The following NHP2 variants were observed in gnomAD, a reference collection of about 807,000 sequenced individuals.
NHP2 encodes NHP2 ribonucleoprotein, also known as H/ACA ribonucleoprotein complex subunit 2.
A neutral mutation model predicts 16.7 loss-of-function variants in NHP2; 10 were observed. The observed-to-expected ratio is 0.60, with a 90% CI of 0.37 to 1.01. The LOEUF is 1.01. NHP2 is among the 50% of genes least tolerant of loss of function. NHP2 has a pLI of 0.01. For synonymous variants in NHP2, 87 were observed against 78.9 expected, an observed-to-expected ratio of 1.10 and a Z score of -0.54; for missense variants, 184 against 198.3, an observed-to-expected ratio of 0.93 and a Z score of 0.43.
intron 3 of NHP2, 126 bp downstream of exon 3, chr5:178,150,762 G>A: frequency 1.3e-6 from 1 of 782,822 alleles, no homozygotes; most frequent in Non-Finnish European, 2.4e-6. Flanking sequence ...AAGATGTGGA[G>A]CTGAGAATCC....
At chr5:178,149,887 A>T in intron 3 of NHP2, 49 bp from the exon 4 acceptor site, 1 of 1,605,086 alleles carries the variant, frequency 6.2e-7, no homozygotes. Flanking sequence ...TACAACCTGT[A>T]TGCCAGGAAG....
intron 2 of NHP2, among the ~76,000 whole-genome samples, chr5:178,151,891 GT>G (rs1174846630): frequency 6.6e-6 from 1 of 152,048 alleles, no homozygotes; most frequent in Non-Finnish European, 1.5e-5. Context: ...GAAGTCATGT[GT>G]CTCTACAGCA....
In NHP2 at chr5:178,153,864, T is replaced by G; in HGVS notation, c.-47A>C. 6.4e-7 allele frequency: 1 copy of G among 1,571,912 alleles called. No individual in the cohort carries two copies. The highest frequency in any genetic ancestry group is 1.2e-5 in the South Asian group (1 of 86,648). ...GTCCCAGGGAGGCGAGCCCACGCGG[T>G]CCACAGCTTTAGGCATCACTTCCAG... On this transcript the variant is annotated 5_prime_UTR_variant, in exon 1 of 4. Coordinates refer to ENST00000274606, the MANE Select transcript of NHP2 (RefSeq NM_017838.4).
intron 3 of NHP2, chr5:178,150,395 T>C (rs1236150458): frequency 3.8e-6 from 1 of 263,718 alleles, no homozygotes; most frequent in Non-Finnish European, 7.5e-6. Context: ...TTTTTTTTTT[T>C]TGAGACAGGG....
At chr5:178,150,214 A>G (rs1756231965) in intron 3 of NHP2, 1 of 221,532 alleles carries the variant, frequency 4.5e-6, no homozygotes, top group East Asian at 1.2e-4. Flanking sequence ...GAAGCATCTT[A>G]GCTTACAAAG....
In NHP2 at chr5:178,149,476, A is replaced by G. The variant is rs1043363837; in HGVS notation, c.*237T>C. 10 of 509,644 alleles carry G rather than the reference A, an allele frequency of 2.0e-5. No individual in the cohort carries two copies. Among genetic ancestry groups the G allele is most frequent in the African/African-American group, 1.6e-4 (8 of 51,388 alleles). 31.6% of individuals were successfully genotyped at this position (509,644 alleles called of 1,614,324 possible). ...AGACTCACCACATTTTAGTCTTAGC[A>G]TTTACTTTCCCCACCCCACATTCTT... On this transcript the variant is annotated 3_prime_UTR_variant, in exon 4 of 4. Transcript: ENST00000274606.
rs1207082374 is a variant in NHP2, at chr5:178,149,987, C to T, written c.337-149G>A. ...ATTTAAAAGCATCTTGAATTGGTTG[C>T]CATCATTTAAACTCAATCAGACTTT... On this transcript the variant is annotated intron_variant, in intron 3 of 3. Coordinates refer to ENST00000274606, the MANE Select transcript of NHP2 (RefSeq NM_017838.4). 14 of 837,202 alleles carry T rather than the reference C, an allele frequency of 1.7e-5. No homozygotes were observed. In the Admixed American group the frequency reaches 4.1e-4, roughly 24 times the overall value. The allele number at this position is 837,202 out of a possible 1,614,324, so 51.9% of individuals were successfully genotyped here. A position where few individuals can be genotyped will look rare whatever the true frequency, so the allele number is the denominator to read the frequency against.
rs377700562 is a variant in NHP2, at chr5:178,150,989, T to A, written c.235A>T (p.Met79Leu). The A allele has an allele frequency of 3.1e-6, 5 of 1,612,764 alleles. No individual in the cohort carries two copies. The highest frequency in any genetic ancestry group is 2.7e-5 in the African/African-American group (2 of 74,870). Residue 79 changes from methionine to leucine, a missense_variant, in exon 3 of 4, where the codon ATG (methionine) becomes TTG (leucine). Met to Leu is a conservative substitution (Grantham distance 15, BLOSUM62 2). Coordinates refer to ENST00000274606, the MANE Select transcript of NHP2 (RefSeq NM_017838.4). ...GGCAGTGTGTCTCCTGCCAAAACCA[T>A]GATCCTGAAATGAGAGAAAACACTG... Reference protein sequence around the residue: ...KFVNKGEKGIMVLAGDTLPIE... With the variant: ...KFVNKGEKGILVLAGDTLPIE...
At chr5:178,152,400 TA>T (rs1756300314) in intron 2 of NHP2, among the ~76,000 whole-genome samples, 1 of 150,646 alleles carries the variant, frequency 6.6e-6, no homozygotes, top group South Asian at 2.1e-4. Context: ...CCCTGTGTCT[TA>T]AGACCTCAGC....
chr5:178,153,692 G>T lies in NHP2; in HGVS notation c.126C>A (p.Arg42=), dbSNP rs945199565. 1 of 1,614,008 alleles carries T rather than the reference G, an allele frequency of 6.2e-7. No individual in the cohort carries two copies. The highest frequency in any genetic ancestry group is 1.3e-5 in the African/African-American group (1 of 75,062). The change falls in exon 1 of 4, where the codon CGC becomes CGA. Residue 42 remains arginine, a synonymous_variant. Transcript: ENST00000274606. The part of the protein sequence containing the change: ...NPIAQPLASR[R]LTRKLYKCIK... ...TGCATTTGTAGAGCTTCCGCGTGAG[G>T]CGGCGAGAAGCCAGGGGCTGCGCGA...
intron 2 of NHP2, among the ~76,000 whole-genome samples, chr5:178,151,358 C>T (rs1330580117): frequency 5.3e-5 from 8 of 152,202 alleles, no homozygotes; most frequent in Non-Finnish European, 7.3e-5. Context: ...GCACCAGACA[C>T]AGCCGAGAGA....
chr5:178,152,039 C>T (rs1053311372), intron 2 of NHP2, among the ~76,000 whole-genome samples: 6 of 152,202 alleles, frequency 3.9e-5, no homozygotes, highest in Middle Eastern at 6.8e-3. Flanking sequence ...CAATACCTCC[C>T]CATTCTCCAC....
intron 3 of NHP2, 137 bp downstream of exon 3, chr5:178,150,751 G>T (rs910343867): frequency 2.6e-6 from 2 of 777,542 alleles, no homozygotes; most frequent in African/African-American, 3.4e-5. Flanking sequence ...CCAAAACTAA[G>T]AAGATGTGGA....
At position 178,153,492 on chromosome 5, in the gene NHP2, C is replaced by G. The variant is rs946741435; in HGVS notation, c.229G>C (p.Gly77Arg). The G allele has an allele frequency of 6.2e-7, 1 of 1,614,056 alleles. No individual in the cohort carries two copies. The highest frequency in any genetic ancestry group is 1.3e-5 in the African/African-American group (1 of 74,936). The part of the protein sequence containing the change: ...VQKFVNKGEK[G>R]IMVLAGDTLP... Reference sequence around the variant, plus strand: ...ATCCAGAGGAAGGAAGGTTCTTACCCTTTTTCTCCTTTGTTGACAAATTTC... The same window carrying G: ...ATCCAGAGGAAGGAAGGTTCTTACCGTTTTTCTCCTTTGTTGACAAATTTC... The change falls in exon 2 of 4, where the codon GGG (glycine) becomes CGG (arginine). Residue 77 changes from glycine to arginine, a missense_variant and splice_region_variant. Coordinates refer to ENST00000274606, the MANE Select transcript of NHP2 (RefSeq NM_017838.4).
Position 178,149,471 on chromosome 5 carries a change from T to C in NHP2, c.*242A>G. 2.0e-6 allele frequency: 1 copy of C among 494,724 alleles called. No homozygotes were observed. Among genetic ancestry groups the C allele is most frequent in the Non-Finnish European group, 3.7e-6 (1 of 268,080 alleles). 30.6% of individuals were successfully genotyped at this position (494,724 alleles called of 1,614,324 possible). A position where few individuals can be genotyped will look rare whatever the true frequency, so the allele number is the denominator to read the frequency against. ...CCCACAGACTCACCACATTTTAGTC[T>C]TAGCATTTACTTTCCCCACCCCACA... On this transcript the variant is annotated 3_prime_UTR_variant, in exon 4 of 4. Transcript: ENST00000274606.
chr5:178,152,223 C>T (rs1016336592), intron 2 of NHP2, among the ~76,000 whole-genome samples: 36 of 152,172 alleles, frequency 2.4e-4, no homozygotes, highest in Non-Finnish European at 5.3e-4. Flanking sequence ...TATGTCACTT[C>T]CTGGCTTTAA....
chr5:178,151,859 TCTC>T (rs1210798706), intron 2 of NHP2, among the ~76,000 whole-genome samples: 2 of 152,002 alleles, frequency 1.3e-5, no homozygotes, highest in East Asian at 1.9e-4. Context: ...GTTTGACAGT[TCTC>T]CTGGTGTGGG....
intron 2 of NHP2, among the ~76,000 whole-genome samples, chr5:178,152,078 T>C (rs1756291830): frequency 6.6e-6 from 1 of 152,144 alleles, no homozygotes; most frequent in South Asian, 2.1e-4. Flanking sequence ...ATCTGTCCCC[T>C]TTAACTCTGT....
chr5:178,152,380 C>G (rs1756299350), intron 2 of NHP2, among the ~76,000 whole-genome samples: 1 of 151,640 alleles, frequency 6.6e-6, no homozygotes, highest in East Asian at 1.9e-4. Flanking sequence ...CCACCCACCC[C>G]CCAATTAATC....
Sources: allele counts gnomAD v4.1 joint callset (sites outside exome capture counted in the v4.1 genomes callset), GRCh38; gene constraint gnomAD v4.1.1; transcripts MANE v1.5; gene names NCBI Gene and HGNC (gene_info 2026-07-23, HGNC 2026-07-21).